Variants in SGCD observed in about 807,000 individuals in gnomAD.
SGCD encodes delta-sarcoglycan.
SGCD carries 18 observed loss-of-function variants against 36.6 expected under a neutral mutation model. The ratio of observed to expected loss-of-function variants is 0.49; its 90% CI spans 0.34 to 0.73. SGCD has a LOEUF of 0.73. Among genes scored for constraint, SGCD ranks in the 30% least tolerant of loss-of-function variants. SGCD has a pLI of 0.01. For missense variants in SGCD, 387 were observed against 346.7 expected, an observed-to-expected ratio of 1.12 and a Z score of -0.92; for synonymous variants, 133 against 130.6, an observed-to-expected ratio of 1.02 and a Z score of -0.12.
At chr5:156,306,263 C>A (rs1767210379) in intron 3 of SGCD, among the ~76,000 whole-genome samples, 2 of 152,060 alleles carry the variant, frequency 1.3e-5, no homozygotes, top group South Asian at 4.1e-4. Context: ...ATCATGGGGG[C>A]AGGTCTTTCC....
chr5:156,490,943 T>C lies in SGCD; in HGVS notation c.193-17658T>C, dbSNP rs909049599. ...TCCCTTTTCACATAGAATGATCTTATATGTAGAAAAACCTAAATACTCCAC... is the reference window on the plus strand; with the variant it reads ...TCCCTTTTCACATAGAATGATCTTACATGTAGAAAAACCTAAATACTCCAC... On this transcript the variant is annotated intron_variant, in intron 3 of 8. Transcript: ENST00000337851. 1.2e-4 allele frequency among the ~76,000 whole-genome samples: 18 copies of C among 152,128 alleles called. 1 individual carries two copies. Among genetic ancestry groups the C allele is most frequent in the Admixed American group, 7.2e-4 (11 of 15,270 alleles).
Position 156,303,096 on chromosome 5 carries a change from G to T in SGCD, c.-43-26438G>T, listed in dbSNP as rs1451968597. Among the ~76,000 whole-genome samples, 7 of 152,326 alleles carry T rather than the reference G, an allele frequency of 4.6e-5. No individual in the cohort carries two copies. The South Asian group carries it at 1.5e-3, about 32-fold the overall frequency. On this transcript the variant is annotated intron_variant, in intron 3 of 9. Transcript: ENST00000517913. The stretch of plus-strand genomic sequence containing the variant: ...ACCCTCCAGCCTTGGACATGTCCAG[G>T]AATGCCATCTGGGAGGTAGGGTCTG...
intron 1 of SGCD, among the ~76,000 whole-genome samples, chr5:156,069,409 G>A (rs1760459063): frequency 6.6e-6 from 1 of 151,988 alleles, no homozygotes; most frequent in South Asian, 2.1e-4. Flanking sequence ...GTTTTTCTCA[G>A]GTTTGTCGAA....
intron 3 of SGCD, among the ~76,000 whole-genome samples, chr5:156,212,515 C>T (rs1764471116): frequency 6.6e-6 from 1 of 152,138 alleles, no homozygotes; most frequent in African/African-American, 2.4e-5. Context: ...ATTAATAGAT[C>T]TGAAGGGAGA....
chr5:156,631,561 T>C (rs1762635094), intron 6 of SGCD, among the ~76,000 whole-genome samples: 1 of 151,682 alleles, frequency 6.6e-6, no homozygotes, highest in Non-Finnish European at 1.5e-5. Context: ...TTTTTTTTTC[T>C]GTTTGTAGGG....
At chr5:156,710,851 A>G (rs1754957572) in intron 7 of SGCD, among the ~76,000 whole-genome samples, 2 of 152,234 alleles carry the variant, frequency 1.3e-5, no homozygotes, top group South Asian at 4.1e-4. Context: ...TAATCTCTTC[A>G]GGATCAAAAA....
intron 3 of SGCD, among the ~76,000 whole-genome samples, chr5:156,189,723 A>G (rs1182925275): frequency 6.6e-6 from 1 of 152,128 alleles, no homozygotes. Context: ...GAACTTTCAA[A>G]GTCTGTTAGA....
intron 1 of SGCD, among the ~76,000 whole-genome samples, chr5:156,114,475 T>C (rs920415665): frequency 4.6e-5 from 7 of 152,068 alleles, no homozygotes; most frequent in African/African-American, 1.7e-4. Flanking sequence ...AAAAGCATTT[T>C]ATAAAATGCC....
At chr5:156,566,260 A>T (rs533935831) in intron 4 of SGCD, among the ~76,000 whole-genome samples, 5 of 152,298 alleles carry the variant, frequency 3.3e-5, no homozygotes, top group South Asian at 2.1e-4. Context: ...TCAATTTTTT[A>T]AAAAAACATG....
chr5:155,784,833 C>T, the SGCD span, among the ~76,000 whole-genome samples: 4 of 151,920 alleles, frequency 2.6e-5, no homozygotes, highest in South Asian at 2.1e-4. Context: ...AGGTATCCCT[C>T]GTTCTTTCAC....
chr5:156,009,661 G>A (rs963059610), intron 1 of SGCD, among the ~76,000 whole-genome samples: 1 of 152,082 alleles, frequency 6.6e-6, no homozygotes, highest in Non-Finnish European at 1.5e-5. Flanking sequence ...CCCAGGGACC[G>A]CCAACAATTC....
At chr5:156,453,738 A>T (rs1471925439) in intron 3 of SGCD, among the ~76,000 whole-genome samples, 3 of 152,182 alleles carry the variant, frequency 2.0e-5, no homozygotes, top group Non-Finnish European at 2.9e-5. Context: ...CCTGGAATAA[A>T]AAACAAACAA....
intron 2 of SGCD, among the ~76,000 whole-genome samples, chr5:156,344,148 G>A (rs545819155): frequency 2.0e-5 from 3 of 152,128 alleles, no homozygotes; most frequent in South Asian, 2.1e-4. Context: ...TTTTTCCTTC[G>A]GTTTGGTAGA....
chr5:156,389,035 G>A (rs114834702), intron 3 of SGCD, among the ~76,000 whole-genome samples: 2,144 of 152,208 alleles, frequency 0.014, 54 homozygotes, highest in African/African-American at 0.049. Context: ...GGCTGACACA[G>A]GACTTATACA....
the SGCD span, among the ~76,000 whole-genome samples, chr5:155,821,880 T>C: frequency 6.6e-6 from 1 of 152,168 alleles, no homozygotes; most frequent in Non-Finnish European, 1.5e-5. Context: ...GAGATAAAAA[T>C]AATAACGATA....
chr5:156,049,626 T>C (rs928237124), intron 1 of SGCD, among the ~76,000 whole-genome samples: 2 of 146,676 alleles, frequency 1.4e-5, no homozygotes, highest in African/African-American at 4.9e-5. Flanking sequence ...AAATATATTT[T>C]GTAAGTCTAT....
the SGCD span, among the ~76,000 whole-genome samples, chr5:155,832,395 C>T: frequency 1.3e-5 from 2 of 152,162 alleles, no homozygotes; most frequent in Admixed American, 1.3e-4. Flanking sequence ...TTTGTGGTCT[C>T]TTAATACCTC....
At chr5:156,291,559 A>G (rs1003559215) in intron 3 of SGCD, among the ~76,000 whole-genome samples, 2 of 152,082 alleles carry the variant, frequency 1.3e-5, no homozygotes, top group Non-Finnish European at 2.9e-5. Context: ...GTACTTGTCT[A>G]TTTGTTCATT....
chr5:155,837,606 C>G, the SGCD span, among the ~76,000 whole-genome samples: 1 of 152,186 alleles, frequency 6.6e-6, no homozygotes, highest in African/African-American at 2.4e-5. Flanking sequence ...TCCAGTAGCC[C>G]TCCTTCCTTC....
Sources: gnomAD v4.1 joint callset for allele counts (sites outside exome capture counted in the v4.1 genomes callset) on GRCh38, gnomAD v4.1.1 for gene constraint, MANE v1.5 for transcripts, NCBI Gene and HGNC (gene_info 2026-07-23, HGNC 2026-07-21) for gene names.